TIAM1: variants seen among roughly 807,000 people sequenced by gnomAD.
TIAM1 encodes TIAM Rac1 associated GEF 1.
A neutral mutation model predicts 163.5 loss-of-function variants in TIAM1; 65 were observed. The ratio of observed to expected loss-of-function variants is 0.40; its 90% CI spans 0.33 to 0.49. The LOEUF (loss-of-function observed/expected upper bound fraction) is 0.49. TIAM1 is among the 20% of genes least tolerant of loss of function. TIAM1 has a pLI of 0.77. For synonymous variants in TIAM1, 833 were observed against 810.1 expected (o/e 1.03, Z -0.48); for missense variants, 1,789 against 2,044.7 (o/e 0.87, Z 2.41).
At chr21:31,316,874 G>GC (rs1201303898) in intron 2 of TIAM1, among the ~76,000 whole-genome samples, 2 of 152,254 alleles carry the variant, frequency 1.3e-5, no homozygotes, top group Admixed American at 6.5e-5. Flanking sequence ...GAAAGATCCT[G>GC]CCCCCCAGGG....
chr21:31,361,094 T>C lies in TIAM1; in HGVS notation c.-368-21672A>G, dbSNP rs73355177. ...AAGTCCATTGTAGCACTATTCACAA[T>C]AGTCAAACATTGGAACTAATCCAAA... is the stretch of plus-strand genomic sequence containing the variant. On this transcript the variant is annotated intron_variant, in intron 2 of 28. Transcript: ENST00000286827. 4.3e-3 allele frequency among the ~76,000 whole-genome samples: 650 copies of C among 152,288 alleles called. 8 individuals are homozygous for C. The highest frequency in any genetic ancestry group is 0.015 in the African/African-American group (624 of 41,550).
intron 1 of TIAM1, among the ~76,000 whole-genome samples, chr21:31,343,345 G>A (rs942686604): frequency 2.6e-5 from 4 of 152,200 alleles, no homozygotes; most frequent in African/African-American, 9.7e-5. Context: ...CCTCATTTGA[G>A]CTAAGTTTAT....
chr21:31,414,272 G>A (rs1023572012), intron 2 of TIAM1, among the ~76,000 whole-genome samples: 9 of 152,146 alleles, frequency 5.9e-5, no homozygotes, highest in Non-Finnish European at 1.3e-4. Flanking sequence ...TAACAACAAG[G>A]AGCAGTCAAG....
chr21:31,367,225 C>T (rs1280073837), intron 2 of TIAM1, among the ~76,000 whole-genome samples: 9 of 152,118 alleles, frequency 5.9e-5, no homozygotes, highest in African/African-American at 9.7e-5. Context: ...TCATCCTCAA[C>T]CCCCACCTGC....
intron 1 of TIAM1, among the ~76,000 whole-genome samples, chr21:31,522,936 T>A (rs964593101): frequency 4.6e-5 from 7 of 152,246 alleles, no homozygotes; most frequent in African/African-American, 1.7e-4. Flanking sequence ...TTCTGTCGTT[T>A]AAATTTAGGA....
At chr21:31,345,951 G>A (rs560284907), upstream of TIAM1, among the ~76,000 whole-genome samples, 1 of 152,248 alleles carries the variant, frequency 6.6e-6, no homozygotes, top group East Asian at 1.9e-4. Context: ...ACTCTGTCTT[G>A]AAAATAAATA....
At chr21:31,202,858 T>C in intron 12 of TIAM1, 50 bp downstream of exon 12, 1 of 1,511,846 alleles carries the variant, frequency 6.6e-7, no homozygotes, top group Non-Finnish European at 9.1e-7. Flanking sequence ...CACTCATAAT[T>C]TGAAGATAAT....
intron 2 of TIAM1, among the ~76,000 whole-genome samples, chr21:31,447,684 G>A (rs2044676410): frequency 6.6e-6 from 1 of 152,206 alleles, no homozygotes; most frequent in Admixed American, 6.5e-5. Context: ...ATGTTGGTCA[G>A]ATGCCTGCTG....
chr21:31,557,770 G>A (rs1281183843), intron 1 of TIAM1, among the ~76,000 whole-genome samples: 1 of 152,154 alleles, frequency 6.6e-6, no homozygotes, highest in Admixed American at 6.5e-5. Context: ...CTGCCAGCGC[G>A]CGGGAAAAGG....
intron 2 of TIAM1, among the ~76,000 whole-genome samples, chr21:31,402,461 G>A (rs544943355): frequency 6.6e-6 from 1 of 152,192 alleles, no homozygotes; most frequent in East Asian, 1.9e-4. Flanking sequence ...GAGAGATGCA[G>A]GACCAACGTC....
intron 10 of TIAM1, among the ~76,000 whole-genome samples, chr21:31,210,689 GAAAGAA>G (rs2086782229): frequency 1.3e-5 from 1 of 74,840 alleles, no homozygotes; most frequent in African/African-American, 6.7e-5. Context: ...GAAAGAAAAA[GAAAGAA>G]AGAAAGAAAG....
chr21:31,363,707 T>C (rs1435499424), intron 2 of TIAM1, among the ~76,000 whole-genome samples: 1 of 152,164 alleles, frequency 6.6e-6, no homozygotes, highest in Non-Finnish European at 1.5e-5. Context: ...TCTGTGAAAC[T>C]GCTGATCACT....
intron 2 of TIAM1, among the ~76,000 whole-genome samples, chr21:31,449,258 G>A (rs2044739142): frequency 6.6e-6 from 1 of 151,872 alleles, no homozygotes; most frequent in African/African-American, 2.4e-5. Context: ...AGCCACCGTG[G>A]CTGGTCAGGA....
At chr21:31,177,804 G>C (rs546024332) in intron 15 of TIAM1, among the ~76,000 whole-genome samples, 1 of 152,288 alleles carries the variant, frequency 6.6e-6, no homozygotes, top group African/African-American at 2.4e-5. Flanking sequence ...ACCTGGCCAA[G>C]TCTGACCACT....
intron 2 of TIAM1, among the ~76,000 whole-genome samples, chr21:31,455,747 A>G (rs1466580981): frequency 1.3e-5 from 2 of 152,210 alleles, no homozygotes; most frequent in African/African-American, 4.8e-5. Context: ...ACCAGATTCT[A>G]ATTGTGGAAA....
At chr21:31,531,039 A>C (rs954371828) in intron 1 of TIAM1, among the ~76,000 whole-genome samples, 1 of 152,066 alleles carries the variant, frequency 6.6e-6, no homozygotes, top group African/African-American at 2.4e-5. Flanking sequence ...TTCCAAGCAG[A>C]ATCTCATCTC....
At chr21:31,187,443 G>A (rs748141265) in intron 13 of TIAM1, among the ~76,000 whole-genome samples, 6 of 152,100 alleles carry the variant, frequency 3.9e-5, no homozygotes, top group Non-Finnish European at 8.8e-5. Flanking sequence ...AAAGTCCCCA[G>A]ACGTTTTTCA....
At chr21:31,190,518 C>T (rs1347376095) in intron 13 of TIAM1, among the ~76,000 whole-genome samples, 1 of 152,028 alleles carries the variant, frequency 6.6e-6, no homozygotes, top group Non-Finnish European at 1.5e-5. Context: ...AACTAGAGTC[C>T]AGGATACAAT....
At chr21:31,194,514 A>G (rs1408440381) in intron 13 of TIAM1, among the ~76,000 whole-genome samples, 3 of 152,208 alleles carry the variant, frequency 2.0e-5, no homozygotes, top group Non-Finnish European at 4.4e-5. Flanking sequence ...GGTACATCAT[A>G]GTATATGTTA....
Sources: allele counts gnomAD v4.1 joint callset (sites outside exome capture counted in the v4.1 genomes callset), GRCh38; gene constraint gnomAD v4.1.1; transcripts MANE v1.5; gene names NCBI Gene and HGNC (gene_info 2026-07-23, HGNC 2026-07-21).